Variants in CDH12 observed in about 807,000 individuals in gnomAD.
CDH12 encodes the protein cadherin 12, also known as cadherin-12.
In CDH12, 41 loss-of-function variants were observed where a neutral mutation model predicts 74.1. That is an observed-to-expected ratio of 0.55 (90% CI 0.43 to 0.72). The LOEUF is 0.72. Among genes scored for constraint, CDH12 ranks in the 30% least tolerant of loss-of-function variants. The pLI is 0.00. For missense variants in CDH12, 945 were observed against 977.2 expected (o/e 0.97, Z 0.44); for synonymous variants, 399 against 355.0 (o/e 1.12, Z -1.39).
At chr5:22,727,531 T>G (rs776531897) in intron 1 of CDH12, among the ~76,000 whole-genome samples, 1 of 151,752 alleles carries the variant, frequency 6.6e-6, no homozygotes, top group Non-Finnish European at 1.5e-5. Flanking sequence ...TAGTCATTAC[T>G]CGTTTAGATT....
chr5:22,309,806 T>C (rs952052671), intron 3 of CDH12, among the ~76,000 whole-genome samples: 1 of 152,098 alleles, frequency 6.6e-6, no homozygotes, highest in Non-Finnish European at 1.5e-5. Context: ...CCTTGATTGA[T>C]AGTTTCTGCC....
At chr5:21,934,114 CCACACACACACACTCACACACA>C (rs2150083757) in intron 6 of CDH12, among the ~76,000 whole-genome samples, 1 of 151,552 alleles carries the variant, frequency 6.6e-6, no homozygotes, top group African/African-American at 2.4e-5. Flanking sequence ...TTACACACAC[CCACACACACACACTCACACACA>C]CACACACATT....
chr5:21,864,131 G>GTA (rs1403332385), intron 6 of CDH12, among the ~76,000 whole-genome samples: 1 of 147,694 alleles, frequency 6.8e-6, no homozygotes, highest in Non-Finnish European at 1.5e-5. Context: ...GAAAGAATAT[G>GTA]TGTGTGTGTG....
intron 7 of CDH12, among the ~76,000 whole-genome samples, chr5:21,843,225 T>A: frequency 6.6e-6 from 1 of 152,172 alleles, no homozygotes; most frequent in East Asian, 1.9e-4. Context: ...ACAGCTGGCT[T>A]TAATAGTGTT....
chr5:22,476,258 T>C (rs914567380), intron 2 of CDH12, among the ~76,000 whole-genome samples: 2 of 152,214 alleles, frequency 1.3e-5, no homozygotes, highest in South Asian at 4.1e-4. Context: ...CATATCTGAA[T>C]TTTTAAAATT....
chr5:22,348,236 C>G (rs763403924), intron 3 of CDH12, among the ~76,000 whole-genome samples: 1 of 152,180 alleles, frequency 6.6e-6, no homozygotes, highest in Non-Finnish European at 1.5e-5. Context: ...ACCGTTAGAG[C>G]TTTCTTTAAG....
chr5:22,566,350 G>T (rs767846529), intron 1 of CDH12, among the ~76,000 whole-genome samples: 3 of 151,104 alleles, frequency 2.0e-5, no homozygotes, highest in Non-Finnish European at 2.9e-5. Flanking sequence ...TGATTCTCCT[G>T]CTTCAGCCTC....
chr5:22,300,720 T>C (rs1259029574), intron 3 of CDH12, among the ~76,000 whole-genome samples: 1 of 152,206 alleles, frequency 6.6e-6, no homozygotes, highest in Non-Finnish European at 1.5e-5. Context: ...TTGGATTTAG[T>C]GTGTGTAATG....
At chr5:22,489,690 CTTTTT>C (rs753962922) in intron 2 of CDH12, among the ~76,000 whole-genome samples, 1 of 120,658 alleles carries the variant, frequency 8.3e-6, no homozygotes, top group Non-Finnish European at 1.7e-5. Flanking sequence ...TGCAGTGTAA[CTTTTT>C]TTTTTTTTTT....
chr5:22,343,281 C>A (rs1739955430), intron 3 of CDH12, among the ~76,000 whole-genome samples: 1 of 124,800 alleles, frequency 8.0e-6, no homozygotes, highest in African/African-American at 3.4e-5. Flanking sequence ...AAACATAAAC[C>A]CTACACACAC....
At chr5:22,788,709 T>C (rs890321738) in intron 1 of CDH12, among the ~76,000 whole-genome samples, 7 of 148,858 alleles carry the variant, frequency 4.7e-5, no homozygotes, top group African/African-American at 1.7e-4. Context: ...TATAATTATA[T>C]ATCATTTTAT....
chr5:22,375,950 T>C (rs1741504627), intron 3 of CDH12, among the ~76,000 whole-genome samples: 1 of 152,196 alleles, frequency 6.6e-6, no homozygotes, highest in African/African-American at 2.4e-5. Flanking sequence ...CCAGCAATCC[T>C]ACTACTAGGT....
At position 22,318,109 on chromosome 5, in the gene CDH12, A is replaced by T. The variant is rs575380932; in HGVS notation, c.-333+87148T>A. Among the ~76,000 whole-genome samples the T allele has an allele frequency of 2.6e-5, 4 of 152,318 alleles. No homozygotes were observed. The South Asian group carries it at 8.3e-4, about 32-fold the overall frequency. Reference sequence around the variant, plus strand: ...GAACTGAAATAGCCTTTATTTTGAAAACAATCAGTAGAGTAACTTCGATGT... The same window carrying T: ...GAACTGAAATAGCCTTTATTTTGAATACAATCAGTAGAGTAACTTCGATGT... On this transcript the variant is annotated intron_variant, in intron 3 of 14. Transcript: ENST00000382254.
intron 6 of CDH12, among the ~76,000 whole-genome samples, chr5:21,871,441 A>G (rs545093873): frequency 8.5e-5 from 13 of 152,312 alleles, no homozygotes; most frequent in African/African-American, 3.1e-4. Context: ...TATGTAAAAT[A>G]AAACAAATAC....
intron 1 of CDH12, among the ~76,000 whole-genome samples, chr5:22,593,741 G>A (rs1736463519): frequency 6.6e-6 from 1 of 152,120 alleles, no homozygotes; most frequent in Admixed American, 6.6e-5. Flanking sequence ...TTTAGCTTTA[G>A]GCATGACTAG....
chr5:22,085,697 TA>T (rs35314565), intron 4 of CDH12, among the ~76,000 whole-genome samples: 3 of 151,966 alleles, frequency 2.0e-5, no homozygotes, highest in Admixed American at 6.6e-5. Context: ...TCCATATTAT[TA>T]AAAAAAATCA....
chr5:22,032,437 C>G (rs1738881966), intron 5 of CDH12, among the ~76,000 whole-genome samples: 1 of 151,894 alleles, frequency 6.6e-6, no homozygotes, highest in Admixed American at 6.6e-5. Context: ...AGGGGCCAGG[C>G]ACGGTGGCTC....
chr5:22,104,569 A>T lies in CDH12; in HGVS notation c.-186-25707T>A, dbSNP rs115743628. Among the ~76,000 whole-genome samples the T allele has an allele frequency of 5.9e-3, 894 of 152,300 alleles. 8 individuals are homozygous for T. Among genetic ancestry groups the T allele is most frequent in the African/African-American group, 0.02 (844 of 41,578 alleles). ...AAGTGTATCTTTTCTAAGAATTTAC[A>T]ATAGGATATCTACCCCAATCTGTTC... On this transcript the variant is annotated intron_variant, in intron 4 of 14. Transcript: ENST00000382254.
At chr5:22,702,028 G>C (rs1203595794) in intron 1 of CDH12, among the ~76,000 whole-genome samples, 1 of 152,066 alleles carries the variant, frequency 6.6e-6, no homozygotes, top group East Asian at 1.9e-4. Context: ...AAGACTTCCA[G>C]CTACTTGACA....
Sources: allele counts gnomAD v4.1 joint callset (sites outside exome capture counted in the v4.1 genomes callset), GRCh38; gene constraint gnomAD v4.1.1; transcripts MANE v1.5; gene names NCBI Gene and HGNC (gene_info 2026-07-23, HGNC 2026-07-21).